ERC2: variants seen among roughly 807,000 people sequenced by gnomAD.
The protein encoded by ERC2 is ELKS/RAB6-interacting/CAST family member 2.
In ERC2, 42 loss-of-function variants were observed where a neutral mutation model predicts 114.8. That is an observed-to-expected ratio of 0.37 (90% confidence interval 0.29 to 0.47). ERC2 has a LOEUF of 0.47. Among genes scored for constraint, ERC2 ranks in the 20% least tolerant of loss-of-function variants. The pLI is 0.99. For synonymous variants in ERC2, 454 were observed against 425.5 expected (o/e 1.07, Z -0.82); for missense variants, 939 against 1,150.7 (o/e 0.82, Z 2.66).
intron 14 of ERC2, among the ~76,000 whole-genome samples, chr3:55,753,416 T>C (rs1464676971): frequency 6.6e-6 from 1 of 151,860 alleles, no homozygotes; most frequent in Non-Finnish European, 1.5e-5. Context: ...TCACAGAAGA[T>C]CCCCCACAGG....
chr3:56,423,940 C>G (rs1377655758), intron 2 of ERC2, among the ~76,000 whole-genome samples: 1 of 152,192 alleles, frequency 6.6e-6, no homozygotes, highest in African/African-American at 2.4e-5. Context: ...AATTTGCACA[C>G]AGATGTCAAT....
intron 16 of ERC2, among the ~76,000 whole-genome samples, 189 bp downstream of exon 16, chr3:55,699,189 C>A (rs2063095666): frequency 6.6e-6 from 1 of 152,004 alleles, no homozygotes; most frequent in South Asian, 2.1e-4. Flanking sequence ...AAGACAAAAC[C>A]TTAAAGAGGA....
Position 55,551,356 on chromosome 3 carries a change from C to G in ERC2, c.*40-40080G>C, listed in dbSNP as rs530172285. ...TGGTCAACATGGTGAAACCGCGTCT[C>G]TACTGAAAATACAAAAACTAGCCAG... On this transcript the variant is annotated intron_variant, in intron 17 of 17. Coordinates refer to ENST00000288221, the MANE Select transcript of ERC2 (RefSeq NM_015576.3). Among the ~76,000 whole-genome samples, 21 of 151,860 alleles carry G rather than the reference C, an allele frequency of 1.4e-4. No homozygotes were observed. In the East Asian group the frequency reaches 3.9e-3, roughly 28 times the overall value.
chr3:55,847,238 C>T lies in ERC2; in HGVS notation c.2564+41151G>A, dbSNP rs947021975. Reference sequence around the variant, plus strand: ...CTTTACAGGCTTATAAGTTATAAACCTATAAAGCTTTTCCCATTGGACATA... The same window carrying T: ...CTTTACAGGCTTATAAGTTATAAACTTATAAAGCTTTTCCCATTGGACATA... On this transcript the variant is annotated intron_variant, in intron 14 of 17. Transcript: ENST00000288221. Among the ~76,000 whole-genome samples the T allele has an allele frequency of 1.4e-4, 21 of 152,010 alleles. 1 individual carries two copies. The highest frequency in any genetic ancestry group is 1.4e-3 in the Admixed American group (21 of 15,272).
chr3:56,402,968 C>T (rs1329724362), intron 2 of ERC2, among the ~76,000 whole-genome samples: 1 of 152,140 alleles, frequency 6.6e-6, no homozygotes, highest in African/African-American at 2.4e-5. Context: ...TGGCCTCGAC[C>T]CGTTAAATGC....
intron 3 of ERC2, among the ~76,000 whole-genome samples, chr3:56,200,903 C>T (rs964823900): frequency 2.6e-5 from 4 of 152,188 alleles, no homozygotes; most frequent in African/African-American, 4.8e-5. Flanking sequence ...TTATGACAGC[C>T]GGTTGTTAAA....
At chr3:55,887,278 T>C (rs1007896841) in intron 14 of ERC2, among the ~76,000 whole-genome samples, 2 of 152,210 alleles carry the variant, frequency 1.3e-5, no homozygotes, top group African/African-American at 2.4e-5. Context: ...TATTTATTCT[T>C]TGGTCTTGGA....
chr3:56,316,509 C>G (rs1198016619), intron 2 of ERC2, among the ~76,000 whole-genome samples: 1 of 152,194 alleles, frequency 6.6e-6, no homozygotes, highest in Non-Finnish European at 1.5e-5. Flanking sequence ...CACTGTTAAT[C>G]TCTGTCCTGT....
chr3:55,622,396 A>AT (rs1378011268), intron 17 of ERC2, among the ~76,000 whole-genome samples: 1 of 152,070 alleles, frequency 6.6e-6, no homozygotes, highest in Non-Finnish European at 1.5e-5. Context: ...TATCAATGTG[A>AT]TTTTTTCCTT....
intron 2 of ERC2, among the ~76,000 whole-genome samples, chr3:56,364,777 T>G (rs997838220): frequency 2.0e-5 from 3 of 152,206 alleles, no homozygotes; most frequent in Non-Finnish European, 2.9e-5. Flanking sequence ...TCTTCTCCCG[T>G]TGGGGCTCAT....
At chr3:55,832,131 A>T (rs1358908280) in intron 14 of ERC2, among the ~76,000 whole-genome samples, 1 of 152,144 alleles carries the variant, frequency 6.6e-6, no homozygotes, top group Non-Finnish European at 1.5e-5. Context: ...GCCCACCACA[A>T]CTCAAGGAGG....
chr3:56,179,452 G>C (rs1381378441), intron 3 of ERC2, among the ~76,000 whole-genome samples: 1 of 152,194 alleles, frequency 6.6e-6, no homozygotes, highest in Non-Finnish European at 1.5e-5. Context: ...TACTCCCAAT[G>C]TTGTATTGCA....
intron 14 of ERC2, among the ~76,000 whole-genome samples, chr3:55,841,429 T>C (rs553341998): frequency 2.8e-4 from 42 of 152,200 alleles, no homozygotes; most frequent in Non-Finnish European, 4.4e-4. Context: ...CCTTCTGCCA[T>C]GATTGTGAGG....
intron 15 of ERC2, among the ~76,000 whole-genome samples, chr3:55,726,205 T>G (rs1273888912): frequency 2.0e-5 from 3 of 152,240 alleles, no homozygotes; most frequent in Admixed American, 6.5e-5. Flanking sequence ...ATTTTAGCAA[T>G]TTGATCTGGA....
intron 2 of ERC2, among the ~76,000 whole-genome samples, chr3:56,426,039 A>G (rs2061558665): frequency 4.6e-5 from 7 of 152,204 alleles, no homozygotes; most frequent in Admixed American, 3.9e-4. Flanking sequence ...AGACAGAAAG[A>G]ATTTGGGAAG....
intron 2 of ERC2, among the ~76,000 whole-genome samples, chr3:56,405,145 A>T (rs936206437): frequency 1.3e-5 from 2 of 152,194 alleles, no homozygotes; most frequent in African/African-American, 4.8e-5. Flanking sequence ...TGATGAAAAG[A>T]AAAAAGAATG....
chr3:55,607,882 T>C (rs545534181), intron 17 of ERC2: 126 of 152,258 alleles, frequency 8.3e-4, no homozygotes, highest in African/African-American at 2.7e-3. Flanking sequence ...CCCTTGGTGT[T>C]GACGTCTAAA....
chr3:55,571,721 T>G (rs897816219), intron 17 of ERC2, among the ~76,000 whole-genome samples: 4 of 152,188 alleles, frequency 2.6e-5, no homozygotes, highest in Middle Eastern at 3.2e-3. Context: ...TGATGTGGTG[T>G]GCCTTCCCCT....
intron 4 of ERC2, among the ~76,000 whole-genome samples, chr3:56,159,917 C>T (rs1351325504): frequency 1.3e-5 from 2 of 152,118 alleles, no homozygotes; most frequent in South Asian, 2.1e-4. Flanking sequence ...CATTAATGGG[C>T]ACCTAGGTTG....
Sources: gnomAD v4.1 joint callset for allele counts (sites outside exome capture counted in the v4.1 genomes callset) on GRCh38, gnomAD v4.1.1 for gene constraint, MANE v1.5 for transcripts, NCBI Gene and HGNC (gene_info 2026-07-23, HGNC 2026-07-21) for gene names.